Variants in PFDN4 observed in about 807,000 individuals in gnomAD.
PFDN4 encodes the protein prefoldin subunit 4.
Under a neutral mutation model 17.6 loss-of-function variants are expected in PFDN4, and 6 were observed. The observed-to-expected ratio is 0.34, with a 90% CI of 0.19 to 0.67. The LOEUF (loss-of-function observed/expected upper bound fraction) is 0.67, where lower values mean the gene tolerates loss of function less well. Ranked by LOEUF, PFDN4 falls within the 30% of genes least tolerant of loss-of-function variation. PFDN4 has a pLI of 0.68. For missense variants in PFDN4, 119 were observed against 158.4 expected, an observed-to-expected ratio of 0.75 and a Z score of 1.33; for synonymous variants, 48 against 51.1, an observed-to-expected ratio of 0.94 and a Z score of 0.26.
Position 54,214,408 on chromosome 20 carries a change from C to T in PFDN4, c.82C>T (p.Arg28Trp), listed in dbSNP as rs1183318710. ...EDQQKINKFA[R>W]NTSRITELKE... Reference sequence around the variant, plus strand: ...TCAACAAAAGATAAACAAATTTGCACGGAATACAAGTAGAATCACAGAGCT... The same window carrying T: ...TCAACAAAAGATAAACAAATTTGCATGGAATACAAGTAGAATCACAGAGCT... Residue 28 changes from arginine (R) to tryptophan (W), a missense_variant, in exon 2 of 4, where the codon CGG becomes TGG. Physicochemically the swap from Arg to Trp is moderately radical, Grantham distance 101. Around this residue, in one of 3 missense-constraint regions of PFDN4, gnomAD observed 9 missense variants for 27.8 expected, o/e 0.32. Transcript: ENST00000371419. The T allele has an allele frequency of 4.4e-6, 7 of 1,586,648 alleles. No individual in the cohort carries two copies. The highest frequency in any genetic ancestry group is 6.0e-6 in the Non-Finnish European group (7 of 1,161,222).
chr20:54,213,221 A>G (rs954024924), intron 1 of PFDN4, among the ~76,000 whole-genome samples: 1 of 152,246 alleles, frequency 6.6e-6, no homozygotes, highest in African/African-American at 2.4e-5. Flanking sequence ...ACACACAAAT[A>G]TCTTTTCTTC....
intron 1 of PFDN4, among the ~76,000 whole-genome samples, chr20:54,212,511 A>G (rs2092757338): frequency 6.6e-6 from 1 of 152,222 alleles, no homozygotes; most frequent in South Asian, 2.1e-4. Flanking sequence ...GCAGATAGCC[A>G]AATTCTCTCT....
intron 3 of PFDN4, among the ~76,000 whole-genome samples, chr20:54,217,272 C>G (rs1285810813): frequency 6.6e-6 from 1 of 151,508 alleles, no homozygotes; most frequent in Non-Finnish European, 1.5e-5. Flanking sequence ...TGGCTATTAG[C>G]CAGAAAGGGG....
chr20:54,212,036 T>G (rs182707674), intron 1 of PFDN4, among the ~76,000 whole-genome samples: 180 of 151,980 alleles, frequency 1.2e-3, no homozygotes, highest in African/African-American at 4.1e-3. Context: ...CTACTAAAAA[T>G]ACGAAAATTA....
chr20:54,208,687 C>G (rs977038457), intron 1 of PFDN4: 1 of 152,556 alleles, frequency 6.6e-6, no homozygotes, highest in Admixed American at 6.5e-5. Context: ...CTGGAGCTGC[C>G]CATTTCCACG....
At chr20:54,213,208 TACAC>T (rs1380062850) in intron 1 of PFDN4, among the ~76,000 whole-genome samples, 4 of 152,250 alleles carry the variant, frequency 2.6e-5, no homozygotes, top group Non-Finnish European at 5.9e-5. Flanking sequence ...ACTATTTTTA[TACAC>T]ACACAAATAT....
chr20:54,214,355 C>T lies in PFDN4; in HGVS notation c.29C>T (p.Ala10Val). The change falls in exon 2 of 4, where the codon GCA (alanine) becomes GTA (valine). Residue 10 changes from alanine to valine, a missense_variant. Physicochemically the swap from Ala to Val is moderately conservative, Grantham distance 64. This residue lies in a region of PFDN4 where 29 missense variants were observed against 18.9 expected (regional missense o/e 1.54). Transcript: ENST00000371419. ...AAACTTAAACACTTCTTTCAGGCTG[C>T]AGAAGATGTCAATGTTACTTTCGAA... MAATMKKAA[A>V]EDVNVTFEDQ... 1 of 1,557,214 alleles carries T rather than the reference C, an allele frequency of 6.4e-7. No homozygotes were observed. Among genetic ancestry groups the T allele is most frequent in the South Asian group, 1.2e-5 (1 of 86,912 alleles).
In PFDN4 at chr20:54,208,142, G is replaced by T. The variant is rs776510585; in HGVS notation, c.24+18G>T. On this transcript the variant is annotated intron_variant, in intron 1 of 3. Transcript: ENST00000371419. ...AGAAGGCGGTGAGTGGGGAGCTCGG[G>T]GCTCTGGATGCTCGGGCGGCGCCGG... 1 of 1,540,680 alleles carries T rather than the reference G, an allele frequency of 6.5e-7. No individual in the cohort carries two copies. Among genetic ancestry groups the T allele is most frequent in the African/African-American group, 1.4e-5 (1 of 71,380 alleles).
At chr20:54,213,519 C>T (rs890025780) in intron 1 of PFDN4, among the ~76,000 whole-genome samples, 2 of 152,134 alleles carry the variant, frequency 1.3e-5, no homozygotes, top group Admixed American at 6.5e-5. Context: ...AATCAAGTTC[C>T]ACCACCTACT....
intron 1 of PFDN4, among the ~76,000 whole-genome samples, chr20:54,213,698 A>T (rs533361540): frequency 1.8e-3 from 276 of 152,270 alleles, no homozygotes; most frequent in African/African-American, 6.5e-3. Flanking sequence ...CTATTTTTTT[A>T]TTATTTCATT....
Position 54,214,351 on chromosome 20 carries a change from G to C in PFDN4, c.25G>C (p.Ala9Pro). MAATMKKA[A>P]AEDVNVTFED... ...ACAAAAACTTAAACACTTCTTTCAG[G>C]CTGCAGAAGATGTCAATGTTACTTT... Residue 9 changes from alanine to proline, a missense_variant and splice_region_variant, in exon 2 of 4, where the codon GCT becomes CCT. This residue lies in a region of PFDN4 where 29 missense variants were observed against 18.9 expected (regional missense o/e 1.54). Coordinates refer to ENST00000371419, the MANE Select transcript of PFDN4 (RefSeq NM_002623.4). 2 of 1,539,580 alleles carry C rather than the reference G, an allele frequency of 1.3e-6. No individual in the cohort carries two copies. The highest frequency in any genetic ancestry group is 1.4e-5 in the African/African-American group (1 of 72,614).
intron 1 of PFDN4, among the ~76,000 whole-genome samples, chr20:54,211,818 T>C (rs1299488732): frequency 1.3e-5 from 2 of 152,188 alleles, no homozygotes; most frequent in Admixed American, 6.5e-5. Context: ...ATGCACATAC[T>C]ATACATGCCA....
chr20:54,218,726 G>A (rs564900316), intron 3 of PFDN4, among the ~76,000 whole-genome samples: 120 of 152,306 alleles, frequency 7.9e-4, no homozygotes, highest in Middle Eastern at 3.4e-3. Flanking sequence ...ATTTATAGAA[G>A]TCTTTGTATT....
chr20:54,214,289 A>C, intron 1 of PFDN4, 62 bp from the exon 2 acceptor site: 1 of 833,900 alleles, frequency 1.2e-6, no homozygotes, highest in Non-Finnish European at 2.0e-6. Context: ...GTTGAGAAAT[A>C]TAAAAAGCTA....
chr20:54,218,960 C>A, intron 3 of PFDN4, 59 bp from the exon 4 acceptor site: 1 of 1,105,486 alleles, frequency 9.0e-7, no homozygotes. Flanking sequence ...TTATTTCAGA[C>A]ACAGATGCTC....
At chr20:54,213,861 A>G (rs574472116) in intron 1 of PFDN4, among the ~76,000 whole-genome samples, 6 of 152,130 alleles carry the variant, frequency 3.9e-5, no homozygotes, top group Non-Finnish European at 8.8e-5. Context: ...CATTATAAAC[A>G]TAATTTTTGC....
At position 54,215,333 on chromosome 20, in the gene PFDN4, G is replaced by T; in HGVS notation, c.166G>T (p.Asp56Tyr). The change falls in exon 3 of 4, where the codon GAC becomes TAC. Residue 56 changes from aspartate to tyrosine, a missense_variant. Physicochemically the swap from Asp to Tyr is radical, Grantham distance 160. Around this residue, in one of 3 missense-constraint regions of PFDN4, gnomAD observed 81 missense variants for 111.7 expected, o/e 0.73. Transcript: ENST00000371419. ...CCAAAACCTAGAAGATGCTTGTGAT[G>T]ACATCATGCTTGCAGATGATGATTG... is the stretch of plus-strand genomic sequence containing the variant. ...QLQNLEDACD[D>Y]IMLADDDCLM... 6.3e-7 allele frequency: 1 copy of T among 1,593,236 alleles called. No individual in the cohort carries two copies.
At chr20:54,213,515 G>A (rs2092758753) in intron 1 of PFDN4, among the ~76,000 whole-genome samples, 1 of 152,100 alleles carries the variant, frequency 6.6e-6, no homozygotes, top group African/African-American at 2.4e-5. Flanking sequence ...TTGAAATCAA[G>A]TTCCACCACC....
In PFDN4 at chr20:54,219,586, T is replaced by C. The variant is rs952292535; in HGVS notation, c.*436T>C. 19 of 393,406 alleles carry C rather than the reference T, an allele frequency of 4.8e-5. No homozygotes were observed. The East Asian group carries it at 6.5e-4, about 13-fold the overall frequency. 24.4% of individuals were successfully genotyped at this position (393,406 alleles called of 1,614,324 possible). A position where few individuals can be genotyped will look rare whatever the true frequency, so the allele number is the denominator to read the frequency against. ...TGCTTATTTCACAACTAAAGCTTTG[T>C]CATAGACTTCAAAATATATATGTAT... On this transcript the variant is annotated 3_prime_UTR_variant, in exon 4 of 4. Coordinates refer to ENST00000371419, the MANE Select transcript of PFDN4 (RefSeq NM_002623.4).
Sources: allele counts gnomAD v4.1 joint callset (sites outside exome capture counted in the v4.1 genomes callset), GRCh38; gene constraint gnomAD v4.1.1; regional missense constraint gnomAD v4.1.1; transcripts MANE v1.5; gene names NCBI Gene and HGNC (gene_info 2026-07-23, HGNC 2026-07-21).